The following TTLL11 variants were observed in gnomAD, a reference collection of about 807,000 sequenced individuals.
TTLL11 encodes the protein tubulin tyrosine ligase like 11.
TTLL11 carries 42 observed loss-of-function variants against 51.7 expected under a neutral mutation model. The observed-to-expected ratio is 0.81, with a 90% CI of 0.64 to 1.05. The LOEUF (loss-of-function observed/expected upper bound fraction) is 1.05, where lower values mean the gene tolerates loss of function less well. TTLL11 is among the 50% of genes least tolerant of loss of function. The pLI, the probability that TTLL11 is intolerant of heterozygous loss-of-function variation, is 0.00. For synonymous variants in TTLL11, 381 were observed against 383.5 expected (o/e 0.99, Z 0.08); for missense variants, 799 against 940.4 (o/e 0.85, Z 1.97).
intron 8 of TTLL11, among the ~76,000 whole-genome samples, chr9:121,849,533 C>G (rs2131366435): frequency 6.6e-6 from 1 of 152,144 alleles, no homozygotes; most frequent in South Asian, 2.1e-4. Flanking sequence ...CCAAAATATA[C>G]AAAGAATTCT....
chr9:121,891,920 G>GTA (rs890521778), intron 6 of TTLL11, among the ~76,000 whole-genome samples: 1 of 148,108 alleles, frequency 6.8e-6, no homozygotes, highest in Non-Finnish European at 1.5e-5. Flanking sequence ...ATACGTGTGT[G>GTA]TATATATATG....
intron 3 of TTLL11, among the ~76,000 whole-genome samples, chr9:121,997,346 C>T (rs1843306168): frequency 6.6e-6 from 1 of 152,160 alleles, no homozygotes; most frequent in South Asian, 2.1e-4. Flanking sequence ...GGCGAGTCAG[C>T]CCTGCCTGGC....
chr9:121,881,927 GC>G, intron 6 of TTLL11, among the ~76,000 whole-genome samples: 1 of 152,218 alleles, frequency 6.6e-6, no homozygotes, highest in South Asian at 2.1e-4. Flanking sequence ...TTGGAATCCT[GC>G]CCCTGTTCCC....
rs898264546 is a variant in TTLL11 at position 122,072,974 on chromosome 9, T to A, written c.462+19713A>T. Reference sequence around the variant, plus strand: ...CACAAAGTAAGGGCTTAGAAAATGTTTGAGGAATGAATGAGAAAATTACTT... The same window carrying A: ...CACAAAGTAAGGGCTTAGAAAATGTATGAGGAATGAATGAGAAAATTACTT... On this transcript the variant is annotated intron_variant, in intron 1 of 8. Transcript: ENST00000321582. Among the ~76,000 whole-genome samples the A allele has an allele frequency of 3.3e-5, 5 of 152,130 alleles. No individual in the cohort carries two copies. The South Asian group carries it at 1.0e-3, about 32-fold the overall frequency.
intron 6 of TTLL11, among the ~76,000 whole-genome samples, chr9:121,906,314 G>A (rs1247371292): frequency 6.6e-6 from 1 of 150,910 alleles, no homozygotes; most frequent in Non-Finnish European, 1.5e-5. Flanking sequence ...TGGGATGTCA[G>A]CTGCTCAGAT....
intron 6 of TTLL11, among the ~76,000 whole-genome samples, chr9:121,972,742 G>C (rs1842609265): frequency 2.0e-5 from 3 of 152,322 alleles, no homozygotes; most frequent in Middle Eastern, 3.4e-3. Flanking sequence ...CTTCCACCCA[G>C]GCCAATTAAA....
chr9:121,896,005 TATGTGTGGTTGTGTGTGTGTATGA>T (rs1309335133), intron 6 of TTLL11, among the ~76,000 whole-genome samples: 3 of 133,188 alleles, frequency 2.3e-5, no homozygotes, highest in Admixed American at 2.2e-4. Context: ...TGTGAGTGTG[TATGTGTGGTTGTGTGTGTGTATGA>T]ATGTGTGGTT....
intron 3 of TTLL11, among the ~76,000 whole-genome samples, chr9:122,013,703 TG>T (rs1452337612): frequency 1.3e-5 from 2 of 152,124 alleles, no homozygotes; most frequent in Admixed American, 6.5e-5. Flanking sequence ...TGCGATTGCC[TG>T]GGGGTTGCCA....
At chr9:121,850,591 G>A (rs1255095947) in intron 8 of TTLL11, among the ~76,000 whole-genome samples, 1 of 152,166 alleles carries the variant, frequency 6.6e-6, no homozygotes, top group Non-Finnish European at 1.5e-5. Context: ...GAAAGAGAAA[G>A]AGAGTCATCT....
intron 1 of TTLL11, among the ~76,000 whole-genome samples, chr9:122,079,206 G>A (rs142744779): frequency 6.6e-6 from 1 of 152,078 alleles, no homozygotes; most frequent in African/African-American, 2.4e-5. Context: ...GTGTATGAGG[G>A]TTCCAATTTC....
chr9:121,974,948 T>G lies in TTLL11; in HGVS notation c.1301A>C (p.Asn434Thr). The change falls in exon 5 of 9, where the codon AAT (asparagine) becomes ACT (threonine). Residue 434 changes from asparagine to threonine, a missense_variant. This residue lies in a region of TTLL11 where 468 missense variants were observed against 612.8 expected (regional missense o/e 0.76). Coordinates refer to ENST00000321582, the MANE Select transcript of TTLL11 (RefSeq NM_001139442.2). The stretch of plus-strand genomic sequence containing the variant: ...TACTTCAAGTAGTATAGGCTTCAGA[T>G]TTTTCATTAGAAGAATGTCAAAGCC... The part of the protein sequence containing the change: ...ILGFDILLMK[N>T]LKPILLEVNA... 6.5e-7 allele frequency: 1 copy of G among 1,537,044 alleles called. No homozygotes were observed. The highest frequency in any genetic ancestry group is 8.7e-7 in the Non-Finnish European group (1 of 1,143,888).
At chr9:122,030,772 A>C (rs1844513579) in intron 3 of TTLL11, among the ~76,000 whole-genome samples, 1 of 145,914 alleles carries the variant, frequency 6.9e-6, no homozygotes, top group African/African-American at 2.6e-5. Context: ...AAATACAAAA[A>C]ATACAAAAAA....
chr9:121,924,391 G>A (rs1042388395), intron 6 of TTLL11, among the ~76,000 whole-genome samples: 3 of 152,248 alleles, frequency 2.0e-5, no homozygotes, highest in African/African-American at 7.2e-5. Context: ...AGAGAAAAGA[G>A]GCAAGGGCCA....
At chr9:122,043,432 T>A (rs1844902939) in intron 1 of TTLL11, among the ~76,000 whole-genome samples, 2 of 151,960 alleles carry the variant, frequency 1.3e-5, no homozygotes, top group South Asian at 4.1e-4. Flanking sequence ...AAACTGAATA[T>A]CCACGTGCAA....
chr9:121,968,859 T>C (rs1842481429), intron 6 of TTLL11, among the ~76,000 whole-genome samples: 1 of 151,862 alleles, frequency 6.6e-6, no homozygotes, highest in African/African-American at 2.4e-5. Flanking sequence ...AAAGTTTTTC[T>C]CACTTATTTT....
At chr9:121,963,072 G>A (rs1842287521) in intron 6 of TTLL11, among the ~76,000 whole-genome samples, 1 of 152,180 alleles carries the variant, frequency 6.6e-6, no homozygotes, top group Non-Finnish European at 1.5e-5. Flanking sequence ...TAAGCAGGTG[G>A]ACTTGGCCAT....
intron 1 of TTLL11, among the ~76,000 whole-genome samples, chr9:122,066,267 T>A (rs1178516855): frequency 6.6e-6 from 1 of 152,098 alleles, no homozygotes; most frequent in East Asian, 1.9e-4. Flanking sequence ...TTATAGGTCA[T>A]CTTAGTGATA....
rs543976236 is a variant in TTLL11 at position 122,018,269 on chromosome 9, C to T, written c.693+13454G>A. On this transcript the variant is annotated intron_variant, in intron 3 of 8. Transcript: ENST00000321582. ...CTGGGACTACAGGCGCCCGCCACCA[C>T]GCCTGGCTAATTTTTTGTACTTTTA... 2.0e-3 allele frequency among the ~76,000 whole-genome samples: 299 copies of T among 152,022 alleles called. 3 individuals are homozygous for T. The highest frequency in any genetic ancestry group is 6.8e-3 in the Middle Eastern group (2 of 294).
chr9:122,051,631 T>G (rs895800233), intron 1 of TTLL11, among the ~76,000 whole-genome samples: 1 of 151,998 alleles, frequency 6.6e-6, no homozygotes, highest in Non-Finnish European at 1.5e-5. Context: ...TCTCTCTCTT[T>G]CTCTCTCTCT....
Sources: gnomAD v4.1 joint callset for allele counts (sites outside exome capture counted in the v4.1 genomes callset) on GRCh38, gnomAD v4.1.1 for gene constraint, gnomAD v4.1.1 regional missense constraint, MANE v1.5 for transcripts, NCBI Gene and HGNC (gene_info 2026-07-23, HGNC 2026-07-21) for gene names.